The following DLGAP1 variants were observed in gnomAD, a reference collection of about 807,000 sequenced individuals.
DLGAP1 encodes disks large-associated protein 1.
A neutral mutation model predicts 90.8 loss-of-function variants in DLGAP1; 11 were observed. The observed-to-expected ratio is 0.12, with a 90% CI of 0.08 to 0.20. The LOEUF (loss-of-function observed/expected upper bound fraction) is 0.20, where lower values mean the gene tolerates loss of function less well. DLGAP1 is among the 10% of genes least tolerant of loss of function. DLGAP1 has a pLI of 1.00. For synonymous variants in DLGAP1, 558 were observed against 540.7 expected, an observed-to-expected ratio of 1.03 and a Z score of -0.44; for missense variants, 1,050 against 1,333.8, an observed-to-expected ratio of 0.79 and a Z score of 3.31.
intron 7 of DLGAP1, among the ~76,000 whole-genome samples, chr18:3,664,580 G>A (rs544248648): frequency 6.6e-6 from 1 of 152,138 alleles, no homozygotes; most frequent in South Asian, 2.1e-4. Flanking sequence ...TAGCTAATGA[G>A]GATTTTCTCA....
chr18:4,048,990 G>T (rs1458542194), intron 2 of DLGAP1, among the ~76,000 whole-genome samples: 3 of 152,140 alleles, frequency 2.0e-5, no homozygotes, highest in African/African-American at 7.2e-5. Flanking sequence ...ACTTTGGGAG[G>T]CCGAGGGAGG....
chr18:4,025,957 A>G (rs1164852304), intron 2 of DLGAP1, among the ~76,000 whole-genome samples: 1 of 152,226 alleles, frequency 6.6e-6, no homozygotes, highest in East Asian at 1.9e-4. Context: ...AGACAGCCAT[A>G]AGATAATTAA....
intron 1 of DLGAP1, among the ~76,000 whole-genome samples, chr18:4,385,017 C>T (rs111256918): frequency 1.0e-3 from 153 of 152,194 alleles, no homozygotes; most frequent in African/African-American, 3.5e-3. Flanking sequence ...ATGCCTGCAA[C>T]AGTGCCTCAT....
intron 1 of DLGAP1, among the ~76,000 whole-genome samples, chr18:4,447,203 T>C (rs771889611): frequency 2.0e-5 from 3 of 152,208 alleles, no homozygotes; most frequent in Non-Finnish European, 2.9e-5. Context: ...CAAGGTGATG[T>C]ACACGTGAAT....
chr18:3,770,218 A>G (rs560788318), intron 5 of DLGAP1, among the ~76,000 whole-genome samples: 38 of 152,282 alleles, frequency 2.5e-4, no homozygotes, highest in South Asian at 1.2e-3. Flanking sequence ...ACTACTATGC[A>G]TAAGGCCTGC....
rs192511162 is a variant in DLGAP1 at position 3,874,963 on chromosome 18, T to C, written c.957+4149A>G. Among the ~76,000 whole-genome samples, 151 of 152,322 alleles carry C rather than the reference T, an allele frequency of 9.9e-4. 1 individual carries two copies. The highest frequency in any genetic ancestry group is 3.2e-3 in the Admixed American group (49 of 15,300). On this transcript the variant is annotated intron_variant, in intron 4 of 12. Coordinates refer to ENST00000315677, the MANE Select transcript of DLGAP1 (RefSeq NM_004746.4). The stretch of plus-strand genomic sequence containing the variant: ...ATGTCAGGCAGAGGCTAAATACTTA[T>C]AGACTTCTCATTTTCTATAGAATCA...
chr18:3,581,478 G>C (rs891779243), intron 8 of DLGAP1, among the ~76,000 whole-genome samples: 17 of 151,908 alleles, frequency 1.1e-4, no homozygotes, highest in Non-Finnish European at 2.4e-4. Flanking sequence ...AGGCGCTGTG[G>C]GTGGGTCTTT....
intron 7 of DLGAP1, chr18:3,722,434 A>G (rs1436780907): frequency 6.6e-6 from 1 of 152,200 alleles, no homozygotes; most frequent in Non-Finnish European, 1.5e-5. Context: ...GCAAATCATC[A>G]CTGTCAGTTT....
At chr18:3,629,238 C>T (rs895796505) in intron 7 of DLGAP1, among the ~76,000 whole-genome samples, 3 of 152,044 alleles carry the variant, frequency 2.0e-5, no homozygotes, top group African/African-American at 7.2e-5. Flanking sequence ...CACAGCAAGA[C>T]GCCATCTCTA....
chr18:3,583,308 C>A (rs755478884), intron 7 of DLGAP1, among the ~76,000 whole-genome samples: 9 of 149,270 alleles, frequency 6.0e-5, no homozygotes, highest in Non-Finnish European at 1.3e-4. Flanking sequence ...TTTTTCTTTT[C>A]TCTGTCTACC....
At chr18:4,127,201 A>G (rs1453600951) in intron 2 of DLGAP1, among the ~76,000 whole-genome samples, 1 of 152,230 alleles carries the variant, frequency 6.6e-6, no homozygotes, top group Non-Finnish European at 1.5e-5. Flanking sequence ...GAGATTATTC[A>G]AAAGCCAGCA....
intron 10 of DLGAP1, among the ~76,000 whole-genome samples, chr18:3,529,355 T>G (rs1160563755): frequency 6.6e-6 from 1 of 152,198 alleles, no homozygotes; most frequent in East Asian, 1.9e-4. Flanking sequence ...ATCTTAATCT[T>G]GAACTTCCCA....
At position 4,427,554 on chromosome 18, in the gene DLGAP1, C is replaced by G. The variant is rs186851577; in HGVS notation, c.-267+27452G>C. On this transcript the variant is annotated intron_variant, in intron 1 of 12. Coordinates refer to ENST00000315677, the MANE Select transcript of DLGAP1 (RefSeq NM_004746.4). ...CATGGCAACTAGCAAATCTCAGAAC[C>G]TGAAATTTAGATTGAGTCCCTTGCT... Among the ~76,000 whole-genome samples the G allele has an allele frequency of 1.6e-4, 24 of 152,150 alleles. No individual in the cohort carries two copies. In the East Asian group the frequency reaches 3.5e-3, roughly 22 times the overall value.
chr18:4,053,656 T>A (rs773889183), intron 2 of DLGAP1, among the ~76,000 whole-genome samples: 1 of 152,198 alleles, frequency 6.6e-6, no homozygotes, highest in Non-Finnish European at 1.5e-5. Context: ...CCTTTCACCA[T>A]GATTGAAAAT....
chr18:3,669,027 C>T (rs1406198285), intron 7 of DLGAP1, among the ~76,000 whole-genome samples: 1 of 151,612 alleles, frequency 6.6e-6, no homozygotes, highest in Non-Finnish European at 1.5e-5. Flanking sequence ...GAATGATCTA[C>T]ATAATATTTG....
intron 2 of DLGAP1, among the ~76,000 whole-genome samples, chr18:4,109,363 G>T (rs1370400367): frequency 6.6e-6 from 1 of 152,080 alleles, no homozygotes; most frequent in Non-Finnish European, 1.5e-5. Flanking sequence ...CTCATCTTCA[G>T]AGGTTCCACC....
At chr18:4,265,738 A>G (rs1221858942) in intron 1 of DLGAP1, among the ~76,000 whole-genome samples, 3 of 145,824 alleles carry the variant, frequency 2.1e-5, no homozygotes, top group Non-Finnish European at 4.5e-5. Context: ...CTCAGGCTGC[A>G]CTGCAATGGT....
rs1443503017 is a variant in DLGAP1, at chr18:4,357,211, T to C, written c.-267+97795A>G. Among the ~76,000 whole-genome samples, 8 of 142,278 alleles carry C rather than the reference T, an allele frequency of 5.6e-5. No homozygotes were observed. In the East Asian group the frequency reaches 1.8e-3, roughly 32 times the overall value. The allele number at this position is 142,278 out of a possible 152,430, so 93.3% of individuals were successfully genotyped here. ...CTCTGTGGCCCAGGCTAGAGTGCAG[T>C]AGCACCATCTCGGCTCACTGCAACC... is the stretch of plus-strand genomic sequence containing the variant. On this transcript the variant is annotated intron_variant, in intron 1 of 12. Transcript: ENST00000315677.
chr18:4,269,348 A>AT (rs1358148826), intron 1 of DLGAP1, among the ~76,000 whole-genome samples: 16 of 133,488 alleles, frequency 1.2e-4, no homozygotes, highest in African/African-American at 4.4e-4. Context: ...ATATATATAT[A>AT]TATATATTTT....
Sources: allele counts gnomAD v4.1 joint callset (sites outside exome capture counted in the v4.1 genomes callset), GRCh38; gene constraint gnomAD v4.1.1; transcripts MANE v1.5; gene names NCBI Gene and HGNC (gene_info 2026-07-23, HGNC 2026-07-21).